TAS2R1: variants seen among roughly 807,000 people sequenced by gnomAD.
TAS2R1 encodes taste receptor type 2 member 1.
For synonymous variants in TAS2R1, 141 were observed against 134.2 expected, an observed-to-expected ratio of 1.05 and a Z score of -0.35; for missense variants, 370 against 353.4, an observed-to-expected ratio of 1.05 and a Z score of -0.38.
chr5:9,817,729 A>G, the TAS2R1 span, among the ~76,000 whole-genome samples: 1 of 152,186 alleles, frequency 6.6e-6, no homozygotes, highest in Non-Finnish European at 1.5e-5. Flanking sequence ...TAAAGACACT[A>G]CCTGAAACTG....
At chr5:9,883,646 C>T in the TAS2R1 span, among the ~76,000 whole-genome samples, 2 of 152,058 alleles carry the variant, frequency 1.3e-5, no homozygotes, top group Non-Finnish European at 2.9e-5. Flanking sequence ...ACAAGCTTCA[C>T]CGAGAATTCA....
chr5:9,782,122 C>T, the TAS2R1 span, among the ~76,000 whole-genome samples: 16 of 152,320 alleles, frequency 1.1e-4, no homozygotes, highest in East Asian at 2.5e-3. Flanking sequence ...ACAGTGGAAG[C>T]TCCATGGAGA....
At chr5:9,863,088 T>C in the TAS2R1 span, 1 of 152,106 alleles carries the variant, frequency 6.6e-6, no homozygotes, top group African/African-American at 2.4e-5. Flanking sequence ...ATAGAGTACA[T>C]GATGGAAACA....
At chr5:9,885,665 C>T in the TAS2R1 span, among the ~76,000 whole-genome samples, 34 of 152,140 alleles carry the variant, frequency 2.2e-4, no homozygotes, top group East Asian at 4.1e-3. Context: ...AATTAAGATG[C>T]AAAATTATCC....
chr5:9,900,563 T>C, the TAS2R1 span, among the ~76,000 whole-genome samples: 4 of 151,976 alleles, frequency 2.6e-5, no homozygotes, highest in African/African-American at 7.3e-5. Flanking sequence ...CAGAGTTATA[T>C]GTTTCATTAT....
chr5:9,635,912 G>T (rs931214671), intron 2 of TAS2R1, among the ~76,000 whole-genome samples: 1 of 151,346 alleles, frequency 6.6e-6, no homozygotes, highest in African/African-American at 2.4e-5. Context: ...TATCTTTTTT[G>T]TTGTTTTTGT....
the TAS2R1 span, among the ~76,000 whole-genome samples, chr5:9,729,702 A>T: frequency 6.6e-6 from 1 of 152,242 alleles, no homozygotes; most frequent in Non-Finnish European, 1.5e-5. Context: ...AGGCACAAAC[A>T]TGCCTTTAAA....
the TAS2R1 span, among the ~76,000 whole-genome samples, chr5:9,865,906 T>C: frequency 6.6e-6 from 1 of 152,226 alleles, no homozygotes; most frequent in Non-Finnish European, 1.5e-5. Flanking sequence ...CTGCTGAGGC[T>C]CATAGGCCAT....
At chr5:9,652,186 C>A (rs1740319849) in intron 2 of TAS2R1, among the ~76,000 whole-genome samples, 1 of 152,178 alleles carries the variant, frequency 6.6e-6, no homozygotes. Flanking sequence ...TACACAATTC[C>A]CACTGCTAGG....
At chr5:9,768,625 G>A in the TAS2R1 span, among the ~76,000 whole-genome samples, 2 of 152,066 alleles carry the variant, frequency 1.3e-5, no homozygotes, top group East Asian at 3.9e-4. Flanking sequence ...TCCTTGAACA[G>A]TCACTACTGC....
the TAS2R1 span, among the ~76,000 whole-genome samples, chr5:9,862,596 G>A: frequency 7.6e-5 from 6 of 78,818 alleles, no homozygotes; most frequent in Non-Finnish European, 1.5e-4. Context: ...GTCTTATTTC[G>A]TTTTATGATT....
the TAS2R1 span, among the ~76,000 whole-genome samples, chr5:9,757,636 C>T: frequency 3.4e-3 from 523 of 152,222 alleles, 1 homozygote; most frequent in African/African-American, 0.012. Context: ...CAGTATTCTG[C>T]ATTACTTACA....
chr5:9,850,623 C>T, the TAS2R1 span, among the ~76,000 whole-genome samples: 4 of 152,220 alleles, frequency 2.6e-5, no homozygotes, highest in Non-Finnish European at 5.9e-5. Context: ...GCTCTGCAGG[C>T]TGTGCCCCCG....
At chr5:9,900,618 GTTTTT>G in the TAS2R1 span, among the ~76,000 whole-genome samples, 4 of 119,956 alleles carry the variant, frequency 3.3e-5, no homozygotes, top group Non-Finnish European at 6.6e-5. Context: ...TGCTCAAATG[GTTTTT>G]TTTTTTTTTT....
the TAS2R1 span, among the ~76,000 whole-genome samples, chr5:9,780,731 G>A: frequency 1.1e-4 from 16 of 152,244 alleles, no homozygotes; most frequent in Admixed American, 5.9e-4. Flanking sequence ...GTTCATGTTA[G>A]GTTATAGTAC....
At chr5:9,881,332 C>T in the TAS2R1 span, among the ~76,000 whole-genome samples, 1 of 152,110 alleles carries the variant, frequency 6.6e-6, no homozygotes, top group Non-Finnish European at 1.5e-5. Flanking sequence ...TCAAGAACTA[C>T]AAACCACCAC....
At chr5:9,893,137 G>A in the TAS2R1 span, among the ~76,000 whole-genome samples, 1 of 151,980 alleles carries the variant, frequency 6.6e-6, no homozygotes. Flanking sequence ...AAGGGCTCAG[G>A]GAATCTTTGC....
chr5:9,863,417 C>T, the TAS2R1 span, among the ~76,000 whole-genome samples: 1 of 151,768 alleles, frequency 6.6e-6, no homozygotes, highest in Admixed American at 6.6e-5. Flanking sequence ...GACGTGGGCT[C>T]CCACCAACAC....
chr5:9,807,272 A>G, the TAS2R1 span, among the ~76,000 whole-genome samples: 2 of 152,146 alleles, frequency 1.3e-5, no homozygotes, highest in Admixed American at 1.3e-4. Context: ...GCATGGATGT[A>G]TTGAAAAGGG....
Sources: allele counts gnomAD v4.1 joint callset (sites outside exome capture counted in the v4.1 genomes callset), GRCh38; gene constraint gnomAD v4.1.1; transcripts MANE v1.5; gene names NCBI Gene and HGNC (gene_info 2026-07-23, HGNC 2026-07-21).